The following ZNF717 variants were observed in gnomAD, a reference collection of about 807,000 sequenced individuals.
ZNF717 encodes the protein krueppel-like factor X17.
In ZNF717, 9 loss-of-function variants were observed where a neutral mutation model predicts 13.8. The ratio of observed to expected loss-of-function variants is 0.65; its 90% CI spans 0.39 to 1.14. The LOEUF is 1.14. Among genes scored for constraint, ZNF717 ranks in the 50% most tolerant of loss-of-function variants. The probability of loss-of-function intolerance (pLI) is 0.01; values close to 1 mark genes in which losing one functional copy is unlikely to be tolerated. For synonymous variants in ZNF717, 327 were observed against 364.1 expected (o/e 0.90, Z 1.16); for missense variants, 1,040 against 1,080.7 (o/e 0.96, Z 0.53).
At chr3:75,734,378 A>G (rs535777936), downstream of ZNF717, among the ~76,000 whole-genome samples, 56 of 149,498 alleles carry the variant, frequency 3.7e-4, no homozygotes, top group African/African-American at 1.3e-3. Flanking sequence ...TTGAATCTAC[A>G]TTTTAAAAAG....
At chr3:75,705,691 C>T (rs1937790693), downstream of ZNF717, among the ~76,000 whole-genome samples, 1 of 152,282 alleles carries the variant, frequency 6.6e-6, no homozygotes, top group African/African-American at 2.4e-5. Context: ...GCAGTAGGGC[C>T]TCTTATCAGC....
intron 2 of ZNF717, among the ~76,000 whole-genome samples, chr3:75,756,254 C>T (rs955364023): frequency 6.6e-5 from 10 of 152,362 alleles, no homozygotes; most frequent in East Asian, 1.9e-4. Context: ...CTGACAAATG[C>T]GTGTGTTCTG....
rs1222745249 is a variant in ZNF717, at chr3:75,759,121, T to A, written c.58-17385A>T. Reference sequence around the variant, plus strand: ...TTTATACAGCACAGTATAAACATACTTTTACATGCACTGGGAAACCAAAAG... The same window carrying A: ...TTTATACAGCACAGTATAAACATACATTTACATGCACTGGGAAACCAAAAG... On this transcript the variant is annotated intron_variant, in intron 2 of 4. Transcript: ENST00000652011. 3.3e-5 allele frequency among the ~76,000 whole-genome samples: 5 copies of A among 152,214 alleles called. No individual in the cohort carries two copies. In the East Asian group the frequency reaches 9.6e-4, roughly 29 times the overall value.
rs573769372 is a variant in ZNF717 at position 75,785,215 on chromosome 3, A to G, written c.-3+169T>C. Among the ~76,000 whole-genome samples, 4 of 152,280 alleles carry G rather than the reference A, an allele frequency of 2.6e-5. No individual in the cohort carries two copies. The East Asian group carries it at 7.8e-4, about 30-fold the overall frequency. ...GGGACAGATGGGCAAACTGAGCGTC[A>G]TGCGGGTTGGTAACCGGCTCCCTCA... On this transcript the variant is annotated intron_variant, in intron 1 of 4. Transcript: ENST00000652011.
downstream of ZNF717, among the ~76,000 whole-genome samples, chr3:75,733,840 G>C (rs1157529693): frequency 3.7e-5 from 5 of 133,734 alleles, no homozygotes; most frequent in South Asian, 1.0e-3. Context: ...TAAAAAGAGA[G>C]TGGAATGACA....
At chr3:75,712,573 C>A (rs1255338605) in intron 5 of ZNF717, among the ~76,000 whole-genome samples, 1 of 152,128 alleles carries the variant, frequency 6.6e-6, no homozygotes, top group Non-Finnish European at 1.5e-5. Context: ...TTACTCAGAC[C>A]ATTGGTGACA....
intron 5 of ZNF717, among the ~76,000 whole-genome samples, chr3:75,714,307 C>T (rs74216685): frequency 6.6e-6 from 1 of 152,054 alleles, no homozygotes; most frequent in African/African-American, 2.4e-5. Flanking sequence ...AGACCACGGT[C>T]CGCTTAGGTC....
chr3:75,780,207 A>T (rs1237010405), intron 2 of ZNF717, among the ~76,000 whole-genome samples: 1 of 151,904 alleles, frequency 6.6e-6, no homozygotes, highest in African/African-American at 2.4e-5. Flanking sequence ...TGACGTGCTA[A>T]AACCGGAACC....
chr3:75,731,872 G>A (rs1470252674), downstream of ZNF717, among the ~76,000 whole-genome samples: 3 of 152,250 alleles, frequency 2.0e-5, no homozygotes, highest in Non-Finnish European at 4.4e-5. Context: ...AGATAGAGAA[G>A]TGAATATGGG....
At chr3:75,774,120 T>A (rs1944113485) in intron 2 of ZNF717, among the ~76,000 whole-genome samples, 1 of 151,996 alleles carries the variant, frequency 6.6e-6, no homozygotes, top group African/African-American at 2.4e-5. Flanking sequence ...TGGCTTTCTC[T>A]CTTTAAAGAA....
chr3:75,746,228 A>C (rs1170362284), intron 2 of ZNF717, among the ~76,000 whole-genome samples: 1 of 152,198 alleles, frequency 6.6e-6, no homozygotes, highest in African/African-American at 2.4e-5. Flanking sequence ...GCTGCATAGT[A>C]TTCCATGGTG....
chr3:75,749,465 T>G (rs1941494211), intron 2 of ZNF717, among the ~76,000 whole-genome samples: 1 of 151,914 alleles, frequency 6.6e-6, no homozygotes. Flanking sequence ...CACATACGAT[T>G]CCGGAACACC....
chr3:75,730,619 C>T lies in ZNF717; in HGVS notation c.340-1G>A. ...CCAGAGTTCACAAGAGAGATCAAACCTGGAGATAAAAGATTTTGAAACTAT... is the reference window on the plus strand; with the variant it reads ...CCAGAGTTCACAAGAGAGATCAAACTTGGAGATAAAAGATTTTGAAACTAT... On this transcript the variant is annotated splice_acceptor_variant, in intron 5 of 5. Transcript: ENST00000477374. LOFTEE classifies it high-confidence loss of function. 1.4e-6 allele frequency: 1 copy of T among 702,040 alleles called. No homozygotes were observed. Among genetic ancestry groups the T allele is most frequent in the Non-Finnish European group, 2.6e-6 (1 of 384,674 alleles). The allele number at this position is 702,040 out of a possible 1,614,324, so 43.5% of individuals were successfully genotyped here.
intron 2 of ZNF717, among the ~76,000 whole-genome samples, chr3:75,762,075 G>C (rs1943073221): frequency 1.4e-5 from 2 of 141,994 alleles, no homozygotes; most frequent in African/African-American, 5.4e-5. Context: ...AGAAAGGAAA[G>C]AAAGAGAGAG....
chr3:75,756,700 G>A (rs1318334925), intron 2 of ZNF717, among the ~76,000 whole-genome samples: 2 of 151,632 alleles, frequency 1.3e-5, no homozygotes, highest in Non-Finnish European at 2.9e-5. Flanking sequence ...TTGAGACGGA[G>A]TTTCATTCTT....
intron 2 of ZNF717, among the ~76,000 whole-genome samples, chr3:75,764,085 C>T (rs538080818): frequency 2.0e-5 from 3 of 152,274 alleles, no homozygotes; most frequent in Admixed American, 6.5e-5. Context: ...CACAGGATTC[C>T]CAGATATAGA....
chr3:75,722,153 G>A (rs796449439), intron 4 of ZNF717, among the ~76,000 whole-genome samples: 4 of 151,656 alleles, frequency 2.6e-5, no homozygotes, highest in African/African-American at 9.7e-5. Flanking sequence ...CCAGCTACTC[G>A]GGAGGCTGAG....
chr3:75,715,051 T>G (rs1420631861), intron 5 of ZNF717, among the ~76,000 whole-genome samples: 1 of 152,224 alleles, frequency 6.6e-6, no homozygotes, highest in Non-Finnish European at 1.5e-5. Context: ...CCAAATTATA[T>G]TTTTTGGCAA....
chr3:75,759,637 T>C (rs985072985), intron 2 of ZNF717, among the ~76,000 whole-genome samples: 1 of 151,738 alleles, frequency 6.6e-6, no homozygotes, highest in Non-Finnish European at 1.5e-5. Flanking sequence ...GGCACTATCT[T>C]GGCTCACTGC....
Sources: allele counts gnomAD v4.1 joint callset (sites outside exome capture counted in the v4.1 genomes callset), GRCh38; gene constraint gnomAD v4.1.1; transcripts MANE v1.5; gene names NCBI Gene and HGNC (gene_info 2026-07-23, HGNC 2026-07-21).